Variants in PPFIA1 observed in about 807,000 individuals in gnomAD.
PPFIA1 encodes the protein liprin-alpha-1.
PPFIA1 carries 25 observed loss-of-function variants against 149.9 expected under a neutral mutation model. That is an observed-to-expected ratio of 0.17 (90% confidence interval 0.12 to 0.23). PPFIA1 has a LOEUF of 0.23. Among genes scored for constraint, PPFIA1 ranks in the 10% least tolerant of loss-of-function variants. The pLI is 1.00. For synonymous variants in PPFIA1, 549 were observed against 552.8 expected, an observed-to-expected ratio of 0.99 and a Z score of 0.10; for missense variants, 1,362 against 1,506.5, an observed-to-expected ratio of 0.90 and a Z score of 1.59.
At position 70,337,249 on chromosome 11, in the gene PPFIA1, G is replaced by T. The variant is rs917165043; in HGVS notation, c.1429-116G>T. On this transcript the variant is annotated intron_variant, in intron 11 of 27. Transcript: ENST00000253925. ...GGACTACAGCAGTGCTTGCTGGTGT[G>T]CTCTTTTACTCCGTTCCCTTTGTGT... is the stretch of plus-strand genomic sequence containing the variant. The T allele has an allele frequency of 2.7e-5, 17 of 639,664 alleles. No homozygotes were observed. The East Asian group carries it at 4.4e-4, about 17-fold the overall frequency. The allele number at this position is 639,664 out of a possible 1,614,324, so 39.6% of individuals were successfully genotyped here.
At chr11:70,342,416 G>A (rs932771878) in intron 14 of PPFIA1, among the ~76,000 whole-genome samples, 1 of 152,194 alleles carries the variant, frequency 6.6e-6, no homozygotes, top group African/African-American at 2.4e-5. Context: ...ATCACCCCTG[G>A]GGGGATTGCG....
chr11:70,335,172 A>T (rs1373201290), intron 10 of PPFIA1, among the ~76,000 whole-genome samples: 1 of 152,156 alleles, frequency 6.6e-6, no homozygotes, highest in Non-Finnish European at 1.5e-5. Flanking sequence ...AATTAAGTTC[A>T]CCCTTCCTCC....
intron 2 of PPFIA1, among the ~76,000 whole-genome samples, chr11:70,277,060 A>AATATATATATATATATATATTTTT (rs2050438033): frequency 1.5e-5 from 1 of 66,326 alleles, no homozygotes. Flanking sequence ...ATATATATAT[A>AATATATATATATATATATATTTTT]TTTTTTTTTT....
At chr11:70,368,651 T>C (rs2057075692) in intron 21 of PPFIA1, among the ~76,000 whole-genome samples, 1 of 152,266 alleles carries the variant, frequency 6.6e-6, no homozygotes, top group Non-Finnish European at 1.5e-5. Context: ...ACTTTTTAAA[T>C]TTCAATTTTC....
intron 2 of PPFIA1, among the ~76,000 whole-genome samples, chr11:70,308,599 A>T (rs1363065397): frequency 1.3e-5 from 2 of 152,126 alleles, no homozygotes; most frequent in Admixed American, 6.6e-5. Context: ...TAGTGTTTTA[A>T]ATGTATCCGA....
At chr11:70,294,034 T>C (rs1424642669) in intron 2 of PPFIA1, among the ~76,000 whole-genome samples, 1 of 149,986 alleles carries the variant, frequency 6.7e-6, no homozygotes, top group Admixed American at 6.7e-5. Flanking sequence ...CTTCCTGGGC[T>C]CGAGCAATCC....
chr11:70,293,938 C>G (rs908742367), intron 2 of PPFIA1, among the ~76,000 whole-genome samples: 4 of 122,878 alleles, frequency 3.3e-5, no homozygotes, highest in African/African-American at 8.0e-5. Flanking sequence ...TTCTCTCTCT[C>G]TCTCTTTTTT....
intron 2 of PPFIA1, among the ~76,000 whole-genome samples, chr11:70,293,928 TTC>T (rs770715230): frequency 2.0e-5 from 3 of 148,028 alleles, no homozygotes; most frequent in Non-Finnish European, 3.0e-5. Context: ...TCCTGCACAG[TTC>T]TCTCTCTCTC....
chr11:70,299,195 C>T (rs933220399), intron 2 of PPFIA1, among the ~76,000 whole-genome samples: 3 of 152,078 alleles, frequency 2.0e-5, no homozygotes, highest in Non-Finnish European at 4.4e-5. Context: ...GCCAAGATTG[C>T]ACCACTGCAC....
intron 2 of PPFIA1, among the ~76,000 whole-genome samples, chr11:70,302,423 G>A (rs760293671): frequency 3.7e-4 from 56 of 152,204 alleles, no homozygotes; most frequent in Non-Finnish European, 6.9e-4. Context: ...TGAGAGCCTC[G>A]TGGGAGGATG....
intron 21 of PPFIA1, 49 bp from the exon 22 acceptor site, chr11:70,372,166 A>T (rs2057297003): frequency 6.6e-7 from 1 of 1,516,946 alleles, no homozygotes; most frequent in Non-Finnish European, 8.9e-7. Context: ...GATATAAACT[A>T]CTTTTGAGAC....
chr11:70,327,268 T>C (rs2054357612), intron 7 of PPFIA1: 1 of 159,296 alleles, frequency 6.3e-6, no homozygotes, highest in South Asian at 1.8e-4. Context: ...AATGTGAGTA[T>C]AGTCTCTTAA....
chr11:70,355,683 G>C lies in PPFIA1; in HGVS notation c.2360G>C (p.Ser787Thr). 1 of 1,613,828 alleles carries C rather than the reference G, an allele frequency of 6.2e-7. No homozygotes were observed. The highest frequency in any genetic ancestry group is 8.5e-7 in the Non-Finnish European group (1 of 1,179,938). ...QDGPVSNPSS[S>T]NSSQDSLHKA... ...GGTCCCGTGAGCAACCCCAGCAGTA[G>C]CAACAGTAGCCAGGACTCGCTCCAC... Residue 787 changes from serine (S) to threonine (T), a missense_variant, in exon 18 of 28, where the codon AGC (serine) becomes ACC (threonine). Around this residue, in one of 7 missense-constraint regions of PPFIA1, gnomAD observed 733 missense variants for 744.1 expected, o/e 0.99. Coordinates refer to ENST00000253925, the MANE Select transcript of PPFIA1 (RefSeq NM_003626.5).
At chr11:70,295,325 G>A (rs1187539484) in intron 2 of PPFIA1, among the ~76,000 whole-genome samples, 4 of 132,164 alleles carry the variant, frequency 3.0e-5, no homozygotes, top group East Asian at 2.4e-4. Flanking sequence ...CTGGCTGGGC[G>A]GGGGGCTGAC....
intron 15 of PPFIA1, chr11:70,345,939 G>A (rs1280462909): frequency 2.2e-6 from 1 of 453,356 alleles, no homozygotes; most frequent in Non-Finnish European, 4.4e-6. Context: ...CTCTTCAGGA[G>A]TGCACGGCTC....
intron 21 of PPFIA1, 117 bp from the exon 22 acceptor site, chr11:70,372,095 AATT>A: frequency 3.4e-6 from 3 of 880,054 alleles, no homozygotes; most frequent in Admixed American, 3.5e-5. Context: ...GCAATTATAA[AATT>A]ATCATTAGTT....
chr11:70,306,563 G>T (rs2052866397), intron 2 of PPFIA1, among the ~76,000 whole-genome samples: 1 of 152,180 alleles, frequency 6.6e-6, no homozygotes, highest in Non-Finnish European at 1.5e-5. Context: ...AAAATGTTTT[G>T]TTGTATAAAT....
At chr11:70,365,444 C>T (rs1297933960) in intron 21 of PPFIA1, 4 of 456,488 alleles carry the variant, frequency 8.8e-6, no homozygotes, top group Non-Finnish European at 1.8e-5. Context: ...CGGTTAGTCA[C>T]GCCCCACAGC....
chr11:70,318,518 C>T (rs1163558246), intron 2 of PPFIA1, among the ~76,000 whole-genome samples: 2 of 152,252 alleles, frequency 1.3e-5, no homozygotes, highest in Non-Finnish European at 2.9e-5. Flanking sequence ...ATGCAAATGT[C>T]TGTCTCATCC....
Sources: allele counts gnomAD v4.1 joint callset (sites outside exome capture counted in the v4.1 genomes callset), GRCh38; gene constraint gnomAD v4.1.1; regional missense constraint gnomAD v4.1.1; transcripts MANE v1.5; gene names NCBI Gene and HGNC (gene_info 2026-07-23, HGNC 2026-07-21).